VAT1L: variants seen among roughly 807,000 people sequenced by gnomAD.
VAT1L encodes putative NADPH-dependent quinone oxidoreductase VAT1L.
Under a neutral mutation model 44.1 loss-of-function variants are expected in VAT1L, and 34 were observed. The ratio of observed to expected loss-of-function variants is 0.77; its 90% CI spans 0.59 to 1.03. The LOEUF (loss-of-function observed/expected upper bound fraction) is 1.03. Ranked by LOEUF, VAT1L falls within the 50% of genes least tolerant of loss-of-function variation. The pLI is 0.00. For synonymous variants in VAT1L, 253 were observed against 202.2 expected (o/e 1.25, Z -2.13); for missense variants, 615 against 538.8 (o/e 1.14, Z -1.40).
chr16:77,887,574 A>T (rs1387639976), intron 7 of VAT1L, among the ~76,000 whole-genome samples: 1 of 152,170 alleles, frequency 6.6e-6, no homozygotes, highest in Non-Finnish European at 1.5e-5. Context: ...TCCAACCCTC[A>T]GTGCTGGGGG....
chr16:77,854,504 G>T (rs922583431), intron 3 of VAT1L, among the ~76,000 whole-genome samples: 1 of 152,172 alleles, frequency 6.6e-6, no homozygotes, highest in Non-Finnish European at 1.5e-5. Flanking sequence ...TGAAAAAAAT[G>T]TTTCTGACTC....
intron 1 of VAT1L, among the ~76,000 whole-genome samples, chr16:77,790,293 CT>C (rs1438901046): frequency 6.6e-6 from 1 of 152,112 alleles, no homozygotes; most frequent in East Asian, 1.9e-4. Flanking sequence ...AGGGAAGAGG[CT>C]TTTGCAAACC....
chr16:77,869,956 C>T (rs1185460501), intron 4 of VAT1L, among the ~76,000 whole-genome samples: 3 of 152,152 alleles, frequency 2.0e-5, no homozygotes, highest in Non-Finnish European at 1.5e-5. Context: ...ATGCCTGGCA[C>T]ATAATAGGAG....
chr16:77,831,552 A>G (rs1218214881), intron 3 of VAT1L, among the ~76,000 whole-genome samples: 3 of 152,208 alleles, frequency 2.0e-5, no homozygotes. Flanking sequence ...GATAAAACAT[A>G]GTACAAGCCC....
At chr16:77,819,613 C>A (rs1451624581) in intron 2 of VAT1L, among the ~76,000 whole-genome samples, 3 of 152,144 alleles carry the variant, frequency 2.0e-5, no homozygotes, top group African/African-American at 7.2e-5. Context: ...GAACTCCTGA[C>A]CTCAGGTGAT....
chr16:77,822,826 C>G (rs1025493077), intron 2 of VAT1L, among the ~76,000 whole-genome samples: 1 of 152,148 alleles, frequency 6.6e-6, no homozygotes, highest in Non-Finnish European at 1.5e-5. Flanking sequence ...CCCCAGAAGA[C>G]ACACTGGGGC....
At chr16:77,790,745 G>T (rs1229864734) in intron 1 of VAT1L, among the ~76,000 whole-genome samples, 7 of 152,158 alleles carry the variant, frequency 4.6e-5, no homozygotes, top group Admixed American at 1.3e-4. Flanking sequence ...TACATATTCA[G>T]AGAGGGAAAA....
chr16:77,928,232 G>A (rs2017691180), intron 7 of VAT1L, among the ~76,000 whole-genome samples: 1 of 152,198 alleles, frequency 6.6e-6, no homozygotes. Flanking sequence ...TCCCAGGGAA[G>A]CCAACATCTC....
At chr16:77,950,166 T>G (rs1371860565) in intron 7 of VAT1L, among the ~76,000 whole-genome samples, 12 of 152,170 alleles carry the variant, frequency 7.9e-5, no homozygotes, top group African/African-American at 2.9e-4. Context: ...CCCAGCATTT[T>G]GGGAGGCCAA....
intron 1 of VAT1L, chr16:77,801,741 A>G (rs1445629726): frequency 6.7e-6 from 1 of 149,784 alleles, no homozygotes; most frequent in African/African-American, 2.5e-5. Context: ...AGCATCCCTC[A>G]TCTAGGATCA....
chr16:77,790,439 C>T (rs2015812801), intron 1 of VAT1L, among the ~76,000 whole-genome samples: 1 of 152,146 alleles, frequency 6.6e-6, no homozygotes, highest in Non-Finnish European at 1.5e-5. Context: ...GCCCACTGCA[C>T]ATCCTAAATA....
Position 77,862,788 on chromosome 16 carries a change from T to C in VAT1L, c.620T>C (p.Val207Ala). The change falls in exon 4 of 9, where the codon GTG becomes GCG. Residue 207 changes from valine (V) to alanine (A), a missense_variant. Transcript: ENST00000302536. ...CAGCTGTGTTCCACTGTCCCCAACG[T>C]GACTGTCTTTGGAACAGCCTCTACT... is the stretch of plus-strand genomic sequence containing the variant. ...VAQLCSTVPNVTVFGTASTFK... is the reference protein window; with the variant it reads ...VAQLCSTVPNATVFGTASTFK... 6.2e-7 allele frequency: 1 copy of C among 1,614,126 alleles called. No homozygotes were observed. Among genetic ancestry groups the C allele is most frequent in the Non-Finnish European group, 8.5e-7 (1 of 1,180,008 alleles).
At position 77,795,473 on chromosome 16, in the gene VAT1L, A is replaced by G. The variant is rs144617987; in HGVS notation, c.233+6558A>G. The stretch of plus-strand genomic sequence containing the variant: ...ACATTTTAATTTGCTAAAAACCAAC[A>G]CTGTTGTCATACTTCTGATGGCTTG... On this transcript the variant is annotated intron_variant, in intron 1 of 8. Transcript: ENST00000302536. 1.9e-3 allele frequency among the ~76,000 whole-genome samples: 282 copies of G among 152,284 alleles called. 2 individuals carry two copies. Among genetic ancestry groups the G allele is most frequent in the Admixed American group, 0.015 (222 of 15,304 alleles).
chr16:77,789,006 G>C, intron 1 of VAT1L, 91 bp downstream of exon 1: 1 of 1,377,426 alleles, frequency 7.3e-7, no homozygotes, highest in Non-Finnish European at 9.5e-7. Context: ...ATGCTGCCCG[G>C]GTAGAACCGC....
intron 7 of VAT1L, among the ~76,000 whole-genome samples, chr16:77,927,373 A>G (rs1276594497): frequency 6.6e-6 from 1 of 151,012 alleles, no homozygotes; most frequent in African/African-American, 2.4e-5. Flanking sequence ...AGGGCTTTGC[A>G]TATAGTGAGT....
At chr16:77,962,240 C>A (rs1424256381) in intron 7 of VAT1L, among the ~76,000 whole-genome samples, 1 of 152,138 alleles carries the variant, frequency 6.6e-6, no homozygotes, top group Non-Finnish European at 1.5e-5. Context: ...CAGGAGGGGT[C>A]CTGCCCATGT....
intron 8 of VAT1L, among the ~76,000 whole-genome samples, chr16:77,976,361 G>A (rs1362167042): frequency 2.0e-5 from 3 of 152,176 alleles, no homozygotes; most frequent in Non-Finnish European, 4.4e-5. Flanking sequence ...AGCAGGATGA[G>A]CCCTAAAGGA....
chr16:77,826,206 CA>C (rs11298500), intron 3 of VAT1L, among the ~76,000 whole-genome samples: 92,778 of 127,640 alleles, frequency 0.73, 33,379 homozygotes, highest in East Asian at 0.93. Flanking sequence ...GACTCCGTCT[CA>C]AAAAAAAAAA....
intron 7 of VAT1L, among the ~76,000 whole-genome samples, chr16:77,904,456 AG>A (rs1448513383): frequency 6.6e-6 from 1 of 152,120 alleles, no homozygotes; most frequent in Non-Finnish European, 1.5e-5. Context: ...GTTCCTGGTA[AG>A]GGCTGTCTCT....
Sources: allele counts gnomAD v4.1 joint callset (sites outside exome capture counted in the v4.1 genomes callset), GRCh38; gene constraint gnomAD v4.1.1; transcripts MANE v1.5; gene names NCBI Gene and HGNC (gene_info 2026-07-23, HGNC 2026-07-21).